Variants in MYH10 observed in about 807,000 individuals in gnomAD.
MYH10 encodes the protein myosin-10.
In MYH10, 55 loss-of-function variants were observed where a neutral mutation model predicts 257.8. That is an observed-to-expected ratio of 0.21 (90% CI 0.17 to 0.27). The LOEUF (loss-of-function observed/expected upper bound fraction) is 0.27. MYH10 is among the 10% of genes least tolerant of loss of function. The pLI is 1.00. For synonymous variants in MYH10, 854 were observed against 921.7 expected, an observed-to-expected ratio of 0.93 and a Z score of 1.33; for missense variants, 1,631 against 2,500.6, an observed-to-expected ratio of 0.65 and a Z score of 7.42.
chr17:8,521,432 G>T, intron 17 of MYH10, 147 bp from the exon 18 acceptor site: 1 of 749,434 alleles, frequency 1.3e-6, no homozygotes, highest in Non-Finnish European at 2.2e-6. Flanking sequence ...GCATACTTAG[G>T]CACTGCACAA....
At chr17:8,618,518 C>T (rs1432171925) in intron 2 of MYH10, among the ~76,000 whole-genome samples, 15 of 152,138 alleles carry the variant, frequency 9.9e-5, no homozygotes, top group Admixed American at 7.2e-4. Flanking sequence ...GGATTACAGG[C>T]GTTAGTCACT....
chr17:8,527,769 C>T lies in MYH10; in HGVS notation c.1957+2854G>A, dbSNP rs118148403. 1.1e-3 allele frequency among the ~76,000 whole-genome samples: 166 copies of T among 152,268 alleles called. 2 individuals carry two copies. The highest frequency in any genetic ancestry group is 6.7e-3 in the Admixed American group (102 of 15,272). On this transcript the variant is annotated intron_variant, in intron 17 of 42. Coordinates refer to ENST00000360416, the MANE Select transcript of MYH10 (RefSeq NM_001256012.3). ...ACCCTGAGAACTAAATGTTGCTGTC[C>T]GCACTTGTCCTCAGGAACTCAAACT...
chr17:8,585,244 G>GTGTA (rs2083860469), intron 4 of MYH10, among the ~76,000 whole-genome samples: 1 of 123,266 alleles, frequency 8.1e-6, no homozygotes, highest in Non-Finnish European at 1.7e-5. Context: ...GTATATATGT[G>GTGTA]TATATATCTA....
chr17:8,607,872 G>A (rs1477151258), intron 2 of MYH10, among the ~76,000 whole-genome samples: 1 of 152,150 alleles, frequency 6.6e-6, no homozygotes. Context: ...CTCTGGGGCA[G>A]AACACAACAA....
chr17:8,493,624 G>C (rs1476355667), intron 32 of MYH10, 109 bp downstream of exon 32: 1 of 1,261,566 alleles, frequency 7.9e-7, no homozygotes, highest in Non-Finnish European at 1.1e-6. Flanking sequence ...AATTTAGTAC[G>C]ACCTAATTAA....
intron 36 of MYH10, 55 bp downstream of exon 36, chr17:8,487,378 A>G: frequency 6.2e-7 from 1 of 1,604,830 alleles, no homozygotes; most frequent in Non-Finnish European, 8.5e-7. Context: ...CTCTGTGTAA[A>G]AGCCACATAG....
intron 6 of MYH10, 131 bp downstream of exon 6, chr17:8,576,512 T>C: frequency 1.1e-6 from 1 of 887,856 alleles, no homozygotes; most frequent in Non-Finnish European, 1.7e-6. Context: ...GCAATAAATT[T>C]TCAAAATTAA....
intron 17 of MYH10, among the ~76,000 whole-genome samples, chr17:8,529,362 T>G (rs575020041): frequency 1.3e-5 from 2 of 152,346 alleles, no homozygotes; most frequent in African/African-American, 4.8e-5. Flanking sequence ...AATTCTCTTA[T>G]GAGGTTAGAA....
intron 1 of MYH10, among the ~76,000 whole-genome samples, chr17:8,629,805 C>T (rs1216607386): frequency 2.0e-5 from 3 of 152,004 alleles, no homozygotes; most frequent in Non-Finnish European, 4.4e-5. Flanking sequence ...CCCCCTCAAA[C>T]CGCCTGGGCC....
chr17:8,484,094 G>A (rs777056284), intron 37 of MYH10, 44 bp downstream of exon 37: 2 of 1,474,616 alleles, frequency 1.4e-6, no homozygotes, highest in South Asian at 1.4e-5. Flanking sequence ...GAAATTTCAA[G>A]GGCAAATATA....
At chr17:8,563,128 C>T (rs536727040) in intron 7 of MYH10, among the ~76,000 whole-genome samples, 1 of 150,320 alleles carries the variant, frequency 6.7e-6, no homozygotes, top group South Asian at 2.1e-4. Context: ...GGGTGCTATG[C>T]ATGTGTGTTA....
At chr17:8,519,374 T>C (rs2081575971) in intron 19 of MYH10, among the ~76,000 whole-genome samples, 1 of 152,178 alleles carries the variant, frequency 6.6e-6, no homozygotes, top group Non-Finnish European at 1.5e-5. Context: ...TAGGCTTCTA[T>C]TCAAAACATC....
rs371588641 is a variant in MYH10 at position 8,557,951 on chromosome 17, T to C, written c.757-3933A>G. On this transcript the variant is annotated intron_variant, in intron 7 of 42. Transcript: ENST00000360416. ...GATACTGATTTTATGCCATCAAATT[T>C]ACTGAGGTAATGATTTAAATTCCCC... is the stretch of plus-strand genomic sequence containing the variant. Among the ~76,000 whole-genome samples the C allele has an allele frequency of 2.0e-5, 3 of 152,332 alleles. No homozygotes were observed. In the East Asian group the frequency reaches 5.8e-4, roughly 29 times the overall value.
chr17:8,517,779 A>C (rs1190315896), intron 21 of MYH10, among the ~76,000 whole-genome samples: 1 of 152,184 alleles, frequency 6.6e-6, no homozygotes, highest in Admixed American at 6.5e-5. Flanking sequence ...ACCCCTGTCC[A>C]GCGTCTGATT....
chr17:8,546,886 G>C (rs1424323229), intron 11 of MYH10, among the ~76,000 whole-genome samples: 1 of 152,114 alleles, frequency 6.6e-6, no homozygotes, highest in African/African-American at 2.4e-5. Context: ...GTCAGCATTT[G>C]ACTGCCTTGC....
intron 2 of MYH10, among the ~76,000 whole-genome samples, chr17:8,615,026 G>A (rs2085201377): frequency 6.6e-6 from 1 of 152,192 alleles, no homozygotes; most frequent in Admixed American, 6.5e-5. Flanking sequence ...AGGAGCAGTG[G>A]CTCATGCCTG....
chr17:8,498,170 G>A (rs550184726), intron 30 of MYH10, among the ~76,000 whole-genome samples: 3 of 151,898 alleles, frequency 2.0e-5, no homozygotes, highest in Admixed American at 2.0e-4. Flanking sequence ...TTTTTTAGAA[G>A]AGACAGGGTT....
intron 7 of MYH10, among the ~76,000 whole-genome samples, chr17:8,556,319 T>C (rs1030184663): frequency 6.6e-6 from 1 of 152,242 alleles, no homozygotes; most frequent in Non-Finnish European, 1.5e-5. Flanking sequence ...TGTACATGAA[T>C]GTCCCCAGCC....
At position 8,490,223 on chromosome 17, in the gene MYH10, A is replaced by G. The variant is rs1915549804; in HGVS notation, c.4884+117T>C. Reference sequence around the variant, plus strand: ...TGACCAAATAAATTCATTTTACTCTATGTGTTACTCTGTGTTTACTCAGAT... The same window carrying G: ...TGACCAAATAAATTCATTTTACTCTGTGTGTTACTCTGTGTTTACTCAGAT... On this transcript the variant is annotated intron_variant, in intron 35 of 42. Transcript: ENST00000360416. The surrounding 1 kb of genome is among the most constrained non-coding windows in gnomAD (Gnocchi z 4.1). The G allele has an allele frequency of 1.2e-6, 1 of 814,884 alleles. No homozygotes were observed. The highest frequency in any genetic ancestry group is 2.0e-6 in the Non-Finnish European group (1 of 493,370). The allele number at this position is 814,884 out of a possible 1,614,324, so 50.5% of individuals were successfully genotyped here.
Sources: allele counts gnomAD v4.1 joint callset (sites outside exome capture counted in the v4.1 genomes callset), GRCh38; gene constraint gnomAD v4.1.1; non-coding constraint Gnocchi (gnomAD v3.1); transcripts MANE v1.5; gene names NCBI Gene and HGNC (gene_info 2026-07-23, HGNC 2026-07-21).